RALYL: variants seen among roughly 807,000 people sequenced by gnomAD.
RALYL encodes the protein RNA-binding Raly-like protein.
A neutral mutation model predicts 35.1 loss-of-function variants in RALYL; 29 were observed. The ratio of observed to expected loss-of-function variants is 0.83; its 90% CI spans 0.61 to 1.13. The LOEUF (loss-of-function observed/expected upper bound fraction) is 1.13, where lower values mean the gene tolerates loss of function less well. Among genes scored for constraint, RALYL ranks in the 50% most tolerant of loss-of-function variants. RALYL has a pLI of 0.00. For missense variants in RALYL, 359 were observed against 360.4 expected, an observed-to-expected ratio of 1.00 and a Z score of 0.03; for synonymous variants, 120 against 127.6, an observed-to-expected ratio of 0.94 and a Z score of 0.40.
In RALYL at chr8:84,316,790, G is replaced by A. The variant is rs539473063; in HGVS notation, c.-24+132366G>A. ...GACCGAGTAAGAAATAGACACATATGGGAGGTTTTCTATTTTAGCAGAAAA... is the reference window on the plus strand; with the variant it reads ...GACCGAGTAAGAAATAGACACATATAGGAGGTTTTCTATTTTAGCAGAAAA... On this transcript the variant is annotated intron_variant, in intron 1 of 8. Coordinates refer to ENST00000521268, the MANE Select transcript of RALYL (RefSeq NM_173848.7). Among the ~76,000 whole-genome samples the A allele has an allele frequency of 6.5e-4, 99 of 152,134 alleles. 2 individuals are homozygous for A. The South Asian group carries it at 1.0e-2, about 15-fold the overall frequency.
At chr8:84,814,686 G>A (rs2134147776) in intron 4 of RALYL, among the ~76,000 whole-genome samples, 1 of 152,244 alleles carries the variant, frequency 6.6e-6, no homozygotes, top group Middle Eastern at 3.4e-3. Flanking sequence ...AAAGAGCATG[G>A]AGTTGTGAAA....
intron 2 of RALYL, among the ~76,000 whole-genome samples, chr8:84,766,324 A>C (rs1813956027): frequency 2.6e-5 from 4 of 152,108 alleles, no homozygotes; most frequent in Admixed American, 2.6e-4. Flanking sequence ...TGTTAAGTGT[A>C]AATAGCCAAG....
At chr8:84,196,740 A>AT (rs201914120) in intron 1 of RALYL, among the ~76,000 whole-genome samples, 1,641 of 152,302 alleles carry the variant, frequency 0.011, 18 homozygotes, top group Middle Eastern at 0.024. Flanking sequence ...TCCAAGATAG[A>AT]TTTTTTAAAT....
chr8:84,621,551 T>C (rs990625309), intron 2 of RALYL, among the ~76,000 whole-genome samples: 1 of 151,992 alleles, frequency 6.6e-6, no homozygotes, highest in Non-Finnish European at 1.5e-5. Context: ...AGAAATCACC[T>C]GTCTTCGGCG....
At chr8:84,276,763 G>T (rs1835466219) in intron 1 of RALYL, among the ~76,000 whole-genome samples, 1 of 152,144 alleles carries the variant, frequency 6.6e-6, no homozygotes, top group South Asian at 2.1e-4. Context: ...ATTTGGAATT[G>T]CTCTAGTCAT....
At chr8:84,841,537 C>A (rs1386771500) in intron 4 of RALYL, among the ~76,000 whole-genome samples, 1 of 152,186 alleles carries the variant, frequency 6.6e-6, no homozygotes, top group African/African-American at 2.4e-5. Context: ...TAACACACCA[C>A]TGTCAACATT....
Position 84,380,899 on chromosome 8 carries a change from A to T in RALYL, c.-23-148400A>T, listed in dbSNP as rs1036884585. On this transcript the variant is annotated intron_variant, in intron 1 of 8. Coordinates refer to ENST00000521268, the MANE Select transcript of RALYL (RefSeq NM_173848.7). ...CTGCAGCAAGGGCTCCGTAACTGAG[A>T]ATGAGTGTCTTCCCCCACAGAATCT... Among the ~76,000 whole-genome samples the T allele has an allele frequency of 2.0e-5, 3 of 151,442 alleles. No individual in the cohort carries two copies. In the South Asian group the frequency reaches 6.2e-4, roughly 31 times the overall value.
chr8:84,844,588 A>C (rs1187774816), intron 4 of RALYL, among the ~76,000 whole-genome samples: 1 of 152,222 alleles, frequency 6.6e-6, no homozygotes, highest in Admixed American at 6.5e-5. Context: ...AGAACTAGAA[A>C]TACCATTTGA....
At chr8:84,270,553 C>CGTGTGTGTGTGTGTGTGTGTGT (rs34047869) in intron 1 of RALYL, among the ~76,000 whole-genome samples, 1 of 147,250 alleles carries the variant, frequency 6.8e-6, no homozygotes, top group Non-Finnish European at 1.5e-5. Context: ...ACATGAAATT[C>CGTGTGTGTGTGTGTGTGTGTGT]GTGTGTGTGT....
chr8:84,618,078 G>A (rs948657815), intron 2 of RALYL, among the ~76,000 whole-genome samples: 9 of 151,576 alleles, frequency 5.9e-5, no homozygotes, highest in African/African-American at 9.8e-5. Flanking sequence ...TCTCTGCCCG[G>A]CTTTGGTATC....
intron 2 of RALYL, among the ~76,000 whole-genome samples, chr8:84,622,577 A>G (rs1006862113): frequency 6.6e-5 from 10 of 152,150 alleles, no homozygotes; most frequent in African/African-American, 2.4e-4. Context: ...GATCAGGACA[A>G]CGCTCCACAG....
chr8:84,336,364 C>A (rs1375098564), intron 1 of RALYL, among the ~76,000 whole-genome samples: 3 of 151,858 alleles, frequency 2.0e-5, no homozygotes, highest in Non-Finnish European at 4.4e-5. Context: ...TACTTTTTTT[C>A]ATTTTTCTTT....
At chr8:84,305,089 A>G (rs1841531017) in intron 1 of RALYL, among the ~76,000 whole-genome samples, 1 of 152,130 alleles carries the variant, frequency 6.6e-6, no homozygotes. Context: ...ATACAGTTTT[A>G]TTTTTCTGTT....
At chr8:84,614,734 A>G (rs1422552752) in intron 2 of RALYL, among the ~76,000 whole-genome samples, 1 of 151,242 alleles carries the variant, frequency 6.6e-6, no homozygotes, top group Non-Finnish European at 1.5e-5. Context: ...GCTGCTATGG[A>G]AAGAGCTAAG....
chr8:84,889,972 T>G (rs914616585), intron 8 of RALYL, among the ~76,000 whole-genome samples: 17 of 152,316 alleles, frequency 1.1e-4, no homozygotes, highest in African/African-American at 4.1e-4. Context: ...TAAACTGGTT[T>G]TCTTGCTTCA....
intron 1 of RALYL, among the ~76,000 whole-genome samples, chr8:84,280,249 ATACT>A (rs1180533520): frequency 2.0e-5 from 3 of 152,182 alleles, no homozygotes; most frequent in Non-Finnish European, 4.4e-5. Flanking sequence ...TGACAGCAAA[ATACT>A]TACATTAAAT....
intron 3 of RALYL, among the ~76,000 whole-genome samples, chr8:84,777,801 C>G (rs1012922580): frequency 1.3e-5 from 2 of 152,060 alleles, no homozygotes; most frequent in Non-Finnish European, 2.9e-5. Context: ...GCCACCACAC[C>G]TGGCTAATTT....
intron 2 of RALYL, among the ~76,000 whole-genome samples, chr8:84,700,497 T>C: frequency 6.6e-6 from 1 of 152,186 alleles, no homozygotes; most frequent in East Asian, 1.9e-4. Flanking sequence ...TTGATTTGTT[T>C]GCTTATTTCA....
chr8:84,197,462 A>C (rs749288615), intron 1 of RALYL, among the ~76,000 whole-genome samples: 2 of 152,220 alleles, frequency 1.3e-5, no homozygotes, highest in Admixed American at 6.5e-5. Flanking sequence ...CATCCTATTT[A>C]CATTTTTGAG....
Sources: gnomAD v4.1 joint callset for allele counts (sites outside exome capture counted in the v4.1 genomes callset) on GRCh38, gnomAD v4.1.1 for gene constraint, MANE v1.5 for transcripts, NCBI Gene and HGNC (gene_info 2026-07-23, HGNC 2026-07-21) for gene names.